PACS2: variants seen among roughly 807,000 people sequenced by gnomAD.
PACS2 encodes PACS1-like protein.
Under a neutral mutation model 113.0 loss-of-function variants are expected in PACS2, and 36 were observed. That is an observed-to-expected ratio of 0.32 (90% confidence interval 0.24 to 0.42). The LOEUF is 0.42. PACS2 is among the 10% of genes least tolerant of loss of function. The probability of loss-of-function intolerance (pLI) is 1.00; values close to 1 mark genes in which losing one functional copy is unlikely to be tolerated. For synonymous variants in PACS2, 589 were observed against 536.1 expected, an observed-to-expected ratio of 1.10 and a Z score of -1.36; for missense variants, 1,015 against 1,239.5, an observed-to-expected ratio of 0.82 and a Z score of 2.72.
rs1555412447 is a variant in PACS2 at position 105,382,859 on chromosome 14, C to T, written c.1571C>T (p.Ser524Phe). 2 of 1,607,584 alleles carry T rather than the reference C, an allele frequency of 1.2e-6. No individual in the cohort carries two copies. The highest frequency in any genetic ancestry group is 1.1e-5 in the South Asian group (1 of 91,072). Reference protein sequence around the residue: ...RHTLPVVCTCSPADVQAAFST... With the variant: ...RHTLPVVCTCFPADVQAAFST... ...ACGCTCCCCGTGGTGTGCACGTGCT[C>T]TCCTGCGGACGTCCAGGCGGCCTTC... Residue 524 changes from serine to phenylalanine, a missense_variant, in exon 15 of 25, where the codon TCT becomes TTT. Coordinates refer to ENST00000447393, the MANE Select transcript of PACS2 (RefSeq NM_001100913.3).
Position 105,369,837 on chromosome 14 carries a change from G to C in PACS2, c.742-4G>C. On this transcript the variant is annotated splice_polypyrimidine_tract_variant and splice_region_variant and intron_variant, in intron 7 of 24. Coordinates refer to ENST00000447393, the MANE Select transcript of PACS2 (RefSeq NM_001100913.3). The stretch of plus-strand genomic sequence containing the variant: ...GCTCTGACTCTGCACCGCCTGTCTT[G>C]CAGCAACAGAACTTCAAGCAGAAAG... 6.3e-7 allele frequency: 1 copy of C among 1,590,284 alleles called. No individual in the cohort carries two copies. Among genetic ancestry groups the C allele is most frequent in the Non-Finnish European group, 8.5e-7 (1 of 1,171,142 alleles).
At chr14:105,390,333 A>C (rs2081314483) in intron 20 of PACS2, 3 of 387,372 alleles carry the variant, frequency 7.7e-6, no homozygotes, top group Non-Finnish European at 1.5e-5. Flanking sequence ...CGGGTTGGGG[A>C]GGGCGCCTCT....
At chr14:105,316,084 G>A (rs1442408287) in intron 1 of PACS2, among the ~76,000 whole-genome samples, 1 of 152,218 alleles carries the variant, frequency 6.6e-6, no homozygotes, top group Non-Finnish European at 1.5e-5. Flanking sequence ...GCGTGGTGTT[G>A]GAGTTGCAGA....
rs782095660 is a variant in PACS2 at position 105,355,893 on chromosome 14, G to C, written c.423+716G>C. 2.6e-5 allele frequency among the ~76,000 whole-genome samples: 4 copies of C among 152,202 alleles called. No homozygotes were observed. The highest frequency in any genetic ancestry group is 4.4e-5 in the Non-Finnish European group (3 of 68,036). ...TGGCTCTGGGAGAAGGGGCAGCCCA[G>C]GGCCCCAGACCAGTTTGTCTCTTTT... On this transcript the variant is annotated intron_variant, in intron 4 of 24. Transcript: ENST00000447393. The surrounding 1 kb of genome is among the most constrained non-coding windows in gnomAD (Gnocchi z 4.1).
chr14:105,376,360 G>A lies in PACS2; in HGVS notation c.802-408G>A, dbSNP rs1430849379. On this transcript the variant is annotated intron_variant, in intron 8 of 24. Coordinates refer to ENST00000447393, the MANE Select transcript of PACS2 (RefSeq NM_001100913.3). The surrounding 1 kb of genome is among the most constrained non-coding windows in gnomAD (Gnocchi z 4.7). Reference sequence around the variant, plus strand: ...GTACAGGAACAGAGTGAGATTCGCAGGGCCTGGGGCTGAGGGAGGGGACGC... The same window carrying A: ...GTACAGGAACAGAGTGAGATTCGCAAGGCCTGGGGCTGAGGGAGGGGACGC... Among the ~76,000 whole-genome samples, 3 of 152,052 alleles carry A rather than the reference G, an allele frequency of 2.0e-5. No individual in the cohort carries two copies. The highest frequency in any genetic ancestry group is 4.4e-5 in the Non-Finnish European group (3 of 68,014).
At chr14:105,391,290 G>A (rs782105107) in intron 21 of PACS2, 41 bp downstream of exon 21, 4 of 1,525,200 alleles carry the variant, frequency 2.6e-6, no homozygotes, top group Non-Finnish European at 2.7e-6. Flanking sequence ...GTGGCCCGTG[G>A]GTGGGCTGCA....
At chr14:105,370,163 T>C in intron 8 of PACS2, 1 of 409,224 alleles carries the variant, frequency 2.4e-6, no homozygotes, top group Non-Finnish European at 4.4e-6. Flanking sequence ...ATGTAACCAT[T>C]AGTTTGTGTG....
chr14:105,390,913 C>CG lies in PACS2; in HGVS notation c.2077-293dup, dbSNP rs1219519956. ...GGCCCGCCAAGGTCCCTCTCACCAG[C>CG]GTCCTGTTTTTACTGCACACATAGT... On this transcript the variant is annotated intron_variant, in intron 20 of 24. Coordinates refer to ENST00000447393, the MANE Select transcript of PACS2 (RefSeq NM_001100913.3). The CG allele has an allele frequency of 3.4e-5, 16 of 468,854 alleles. No individual in the cohort carries two copies. In the East Asian group the frequency reaches 5.9e-4, roughly 17 times the overall value. The allele number at this position is 468,854 out of a possible 1,614,324, so 29.0% of individuals were successfully genotyped here. A position where few individuals can be genotyped will look rare whatever the true frequency, so the allele number is the denominator to read the frequency against.
chr14:105,377,726 T>C (rs1222903881), intron 9 of PACS2, among the ~76,000 whole-genome samples: 2 of 152,244 alleles, frequency 1.3e-5, no homozygotes, highest in African/African-American at 4.8e-5. Context: ...CCAGCCCAAC[T>C]TGCTGCTCCT....
intron 19 of PACS2, among the ~76,000 whole-genome samples, chr14:105,386,674 C>A (rs1416929969): frequency 6.6e-6 from 1 of 152,080 alleles, no homozygotes; most frequent in African/African-American, 2.4e-5. Context: ...ACCCCCTGAC[C>A]TCAGTGCAGG....
At chr14:105,364,957 C>T (rs1283492904) in intron 4 of PACS2, among the ~76,000 whole-genome samples, 1 of 152,194 alleles carries the variant, frequency 6.6e-6, no homozygotes, top group Non-Finnish European at 1.5e-5. Flanking sequence ...CTCAACCTCC[C>T]AAAGTGTTAG....
chr14:105,394,823 C>CG lies in PACS2; in HGVS notation c.*156dup, dbSNP rs1349388468. 17 of 636,062 alleles carry CG rather than the reference C, an allele frequency of 2.7e-5. No homozygotes were observed. The African/African-American group carries it at 2.7e-4, about 10-fold the overall frequency. The allele number at this position is 636,062 out of a possible 1,614,324, so 39.4% of individuals were successfully genotyped here. A position where few individuals can be genotyped will look rare whatever the true frequency, so the allele number is the denominator to read the frequency against. Reference sequence around the variant, plus strand: ...AATGTGCTCACAACGTGGAAACTAACGGGGGAGCTCCTGCCAGGAGCCGAA... The same window carrying CG: ...AATGTGCTCACAACGTGGAAACTAACGGGGGGAGCTCCTGCCAGGAGCCGAA... On this transcript the variant is annotated 3_prime_UTR_variant, in exon 25 of 25. Coordinates refer to ENST00000447393, the MANE Select transcript of PACS2 (RefSeq NM_001100913.3).
chr14:105,362,229 T>C (rs190097912), intron 4 of PACS2, among the ~76,000 whole-genome samples: 1,841 of 149,570 alleles, frequency 0.012, 19 homozygotes, highest in Non-Finnish European at 0.019. Flanking sequence ...CCATCCTGGC[T>C]AACACAGTGA....
rs782756538 is a variant in PACS2, at chr14:105,383,492, C to T, written c.1759C>T (p.Arg587Cys). 30 of 1,599,706 alleles carry T rather than the reference C, an allele frequency of 1.9e-5. No individual in the cohort carries two copies. The Admixed American group carries it at 3.7e-4, about 20-fold the overall frequency. ...GACACCCGACTGGCTCGGCTACATGCGCTTCCTGGTCATCCCACTGGGTGA... is the reference window on the plus strand; with the variant it reads ...GACACCCGACTGGCTCGGCTACATGTGCTTCCTGGTCATCCCACTGGGTGA... Reference protein sequence around the residue: ...HKTPDWLGYMRFLVIPLGSHP... With the variant: ...HKTPDWLGYMCFLVIPLGSHP... Residue 587 changes from arginine (R) to cysteine (C), a missense_variant, in exon 16 of 25, where the codon CGC becomes TGC. Physicochemically the swap from Arg to Cys is radical, Grantham distance 180. Around this residue, in one of 3 missense-constraint regions of PACS2, gnomAD observed 859 missense variants for 1,056.8 expected, o/e 0.81. Coordinates refer to ENST00000447393, the MANE Select transcript of PACS2 (RefSeq NM_001100913.3).
At chr14:105,344,607 T>G (rs1364293557) in intron 1 of PACS2, among the ~76,000 whole-genome samples, 1 of 152,196 alleles carries the variant, frequency 6.6e-6, no homozygotes, top group Non-Finnish European at 1.5e-5. Flanking sequence ...TCTGTAGTGC[T>G]TTCCTTCTTT....
chr14:105,313,645 C>T (rs2058417823), upstream of PACS2, among the ~76,000 whole-genome samples: 1 of 152,210 alleles, frequency 6.6e-6, no homozygotes, highest in Non-Finnish European at 1.5e-5. Context: ...CCCCGTGGGC[C>T]AGGAAAGAAA....
Position 105,394,966 on chromosome 14 carries a change from C to A in PACS2, c.*294C>A. 2.7e-6 allele frequency: 1 copy of A among 374,226 alleles called. No homozygotes were observed. The highest frequency in any genetic ancestry group is 2.6e-5 in the South Asian group (1 of 39,090). 23.2% of individuals were successfully genotyped at this position (374,226 alleles called of 1,614,324 possible). On this transcript the variant is annotated 3_prime_UTR_variant, in exon 25 of 25. Transcript: ENST00000447393. ...GCCTCAGGAGCCACCCAGAGCCTCA[C>A]AGGCTGAGTTCTTGCCTCTGTGTCC...
At chr14:105,302,943 C>CTT (rs60827892) in intron 1 of PACS2, among the ~76,000 whole-genome samples, 1 of 146,730 alleles carries the variant, frequency 6.8e-6, no homozygotes, top group Non-Finnish European at 1.5e-5. Flanking sequence ...TTCTCTAGTT[C>CTT]TTTTTTTTTT....
At chr14:105,308,257 GGATT>G (rs2058248566) in intron 1 of PACS2, among the ~76,000 whole-genome samples, 1 of 152,132 alleles carries the variant, frequency 6.6e-6, no homozygotes, top group South Asian at 2.1e-4. Flanking sequence ...TGAGGTGAGA[GGATT>G]GATTGAGCCC....
Sources: allele counts gnomAD v4.1 joint callset (sites outside exome capture counted in the v4.1 genomes callset), GRCh38; gene constraint gnomAD v4.1.1; regional missense constraint gnomAD v4.1.1; non-coding constraint Gnocchi (gnomAD v3.1); transcripts MANE v1.5; gene names NCBI Gene and HGNC (gene_info 2026-07-23, HGNC 2026-07-21).